The following NHSL3 variants were observed in gnomAD, a reference collection of about 807,000 sequenced individuals.
NHSL3 encodes NHS like 3.
chr1:32,760,826 C>A, the NHSL3 span, among the ~76,000 whole-genome samples: 1 of 151,988 alleles, frequency 6.6e-6, no homozygotes, highest in African/African-American at 2.4e-5. Flanking sequence ...CCTGACCTCG[C>A]GATCCACCCG....
At chr1:32,762,257 G>A in the NHSL3 span, among the ~76,000 whole-genome samples, 15,040 of 152,056 alleles carry the variant, frequency 0.099, 861 homozygotes, top group African/African-American at 0.13. Context: ...CAGGGGGGTC[G>A]TGTTGCTTGG....
chr1:32,770,758 C>A, the NHSL3 span: 2 of 1,572,888 alleles, frequency 1.3e-6, no homozygotes, highest in Non-Finnish European at 8.7e-7. This position sits in a 1 kb window ranked among gnomAD's most constrained non-coding sequence, Gnocchi z 8.3. Flanking sequence ...TAAGCCTGAG[C>A]GTAAGCAGCA....
the NHSL3 span, chr1:32,742,155 G>C: frequency 8.0e-7 from 1 of 1,245,740 alleles, no homozygotes; most frequent in Non-Finnish European, 1.0e-6. Context: ...AGAAGGCGGA[G>C]GACAAGGCCA....
chr1:32,742,133 C>T, the NHSL3 span: 248 of 1,244,280 alleles, frequency 2.0e-4, no homozygotes, highest in Non-Finnish European at 2.4e-4. Context: ...GAACCGGCCG[C>T]CCCCCGGGCC....
chr1:32,754,230 CG>C, the NHSL3 span: 2 of 703,034 alleles, frequency 2.8e-6, no homozygotes, highest in African/African-American at 3.5e-5. Context: ...GTCCCTACTG[CG>C]GTCGTCGCCA....
At chr1:32,771,396 A>T in the NHSL3 span, 7 of 1,011,226 alleles carry the variant, frequency 6.9e-6, no homozygotes, top group Non-Finnish European at 7.5e-6. Context: ...CTTATCATCC[A>T]CCCCCACCAC....
the NHSL3 span, among the ~76,000 whole-genome samples, chr1:32,760,293 G>C: frequency 2.2e-4 from 33 of 152,282 alleles, no homozygotes; most frequent in African/African-American, 7.5e-4. Context: ...CCTGGCTGTG[G>C]GCGCGCCACC....
the NHSL3 span, chr1:32,742,327 G>T: frequency 1.2e-6 from 1 of 858,726 alleles, no homozygotes; most frequent in Non-Finnish European, 1.5e-6. Flanking sequence ...AGAGGCCAGG[G>T]CTGAGTCCGA....
chr1:32,760,822 C>T, the NHSL3 span, among the ~76,000 whole-genome samples: 1 of 152,114 alleles, frequency 6.6e-6, no homozygotes, highest in Non-Finnish European at 1.5e-5. Context: ...AACTCCTGAC[C>T]TCGCGATCCA....
chr1:32,768,857 T>C, the NHSL3 span: 1 of 1,506,204 alleles, frequency 6.6e-7, no homozygotes, highest in Non-Finnish European at 9.0e-7. Context: ...TTATCCAGTG[T>C]TTCACCAGGC....
chr1:32,772,380 G>C, the NHSL3 span: 1 of 1,571,642 alleles, frequency 6.4e-7, no homozygotes. Flanking sequence ...GGGAGCTGGC[G>C]GAGAATGGAG....
the NHSL3 span, among the ~76,000 whole-genome samples, chr1:32,748,306 G>C: frequency 6.6e-6 from 1 of 152,134 alleles, no homozygotes; most frequent in Non-Finnish European, 1.5e-5. Flanking sequence ...CAAAAAAAAA[G>C]GAAGGTGGGT....
the NHSL3 span, chr1:32,767,809 C>A: frequency 3.1e-6 from 5 of 1,611,400 alleles, no homozygotes; most frequent in Non-Finnish European, 4.2e-6. Flanking sequence ...CTGAGAATGA[C>A]AAACATCTAA....
chr1:32,769,265 A>T, the NHSL3 span, among the ~76,000 whole-genome samples: 5 of 151,540 alleles, frequency 3.3e-5, no homozygotes, highest in African/African-American at 1.2e-4. Flanking sequence ...AAAAAAAAAT[A>T]AAAAAAGAGT....
chr1:32,756,612 G>C, the NHSL3 span, among the ~76,000 whole-genome samples: 1 of 144,278 alleles, frequency 6.9e-6, no homozygotes, highest in East Asian at 2.0e-4. Context: ...TGAGCCGATC[G>C]TGCCAGTGCA....
the NHSL3 span, among the ~76,000 whole-genome samples, chr1:32,743,690 G>C: frequency 6.6e-6 from 1 of 152,240 alleles, no homozygotes; most frequent in Non-Finnish European, 1.5e-5. Context: ...TGGGAGACCA[G>C]CCTGGAAGGC....
At chr1:32,761,804 A>G in the NHSL3 span, among the ~76,000 whole-genome samples, 1 of 151,846 alleles carries the variant, frequency 6.6e-6, no homozygotes, top group Non-Finnish European at 1.5e-5. Flanking sequence ...GAGACTGATA[A>G]GAAGAGTGGG....
At chr1:32,765,814 G>GT in the NHSL3 span, 1 of 1,547,242 alleles carries the variant, frequency 6.5e-7, no homozygotes, top group Non-Finnish European at 8.7e-7. Flanking sequence ...TCCTAGGGCT[G>GT]TTTAAGAAGA....
chr1:32,751,331 T>C, the NHSL3 span, among the ~76,000 whole-genome samples: 10 of 152,294 alleles, frequency 6.6e-5, no homozygotes, highest in South Asian at 2.1e-3. Context: ...ACTACCTCCG[T>C]CAGTATGCAA....
Sources: allele counts gnomAD v4.1 joint callset (sites outside exome capture counted in the v4.1 genomes callset), GRCh38; gene constraint gnomAD v4.1.1; non-coding constraint Gnocchi (gnomAD v3.1); transcripts MANE v1.5; gene names NCBI Gene and HGNC (gene_info 2026-07-23, HGNC 2026-07-21).